Variants in NAV2 observed in about 807,000 individuals in gnomAD.
The protein encoded by NAV2 is neuron navigator 2.
NAV2 carries 54 observed loss-of-function variants against 223.2 expected under a neutral mutation model. The observed-to-expected ratio is 0.24, with a 90% confidence interval of 0.19 to 0.30. The LOEUF (loss-of-function observed/expected upper bound fraction) is 0.30, where lower values mean the gene tolerates loss of function less well. Among genes scored for constraint, NAV2 ranks in the 10% least tolerant of loss-of-function variants. NAV2 has a pLI of 1.00. For synonymous variants in NAV2, 1,279 were observed against 1,239.3 expected (o/e 1.03, Z -0.67); for missense variants, 2,806 against 3,147.5 (o/e 0.89, Z 2.60).
In NAV2 at chr11:19,414,092, G is replaced by C. The variant is rs529019926; in HGVS notation, c.75+63065G>C. Among the ~76,000 whole-genome samples, 11 of 152,208 alleles carry C rather than the reference G, an allele frequency of 7.2e-5. No homozygotes were observed. In the South Asian group the frequency reaches 1.2e-3, roughly 17 times the overall value. ...CAAGATTAACCTTAAATGTAAATGG[G>C]CTAAATGCCCCATTTAAAAGACACA... is the stretch of plus-strand genomic sequence containing the variant. On this transcript the variant is annotated intron_variant, in intron 1 of 37. Coordinates refer to the NAV2 transcript ENST00000360655.
At position 19,930,869 on chromosome 11, in the gene NAV2, A is replaced by C. The variant is rs961708957; in HGVS notation, c.932-2307A>C. Among the ~76,000 whole-genome samples the C allele has an allele frequency of 9.8e-5, 15 of 152,324 alleles. No homozygotes were observed. In the South Asian group the frequency reaches 3.1e-3, roughly 32 times the overall value. ...TGTGATGTAGGCTGCTGTATTTCAA[A>C]TGGCAGGGTTGGTTTGTACTCCACC... is the stretch of plus-strand genomic sequence containing the variant. On this transcript the variant is annotated intron_variant, in intron 6 of 37. Coordinates refer to ENST00000349880, the MANE Select transcript of NAV2 (RefSeq NM_145117.5).
At chr11:19,517,046 C>CAA (rs67200613) in intron 1 of NAV2, among the ~76,000 whole-genome samples, 43 of 140,688 alleles carry the variant, frequency 3.1e-4, no homozygotes, top group South Asian at 9.0e-4. Context: ...CCTCTCTCTC[C>CAA]AAAAAAAAAA....
At chr11:19,997,956 C>T (rs557184197) in intron 11 of NAV2, among the ~76,000 whole-genome samples, 1 of 152,188 alleles carries the variant, frequency 6.6e-6, no homozygotes, top group South Asian at 2.1e-4. Flanking sequence ...TCTCCATAAC[C>T]ATGTTTTGTT....
chr11:20,035,862 G>A, intron 11 of NAV2, 97 bp from the exon 12 acceptor site: 1 of 1,431,366 alleles, frequency 7.0e-7, no homozygotes, highest in Admixed American at 1.9e-5. Context: ...GGCACAGATT[G>A]GATCTTTTCG....
At position 19,895,940 on chromosome 11, in the gene NAV2, T is replaced by C. The variant is rs142984448; in HGVS notation, c.931+3346T>C. Among the ~76,000 whole-genome samples, 348 of 152,194 alleles carry C rather than the reference T, an allele frequency of 2.3e-3. 2 individuals are homozygous for C. Among genetic ancestry groups the C allele is most frequent in the African/African-American group, 8.0e-3 (333 of 41,520 alleles). ...ATGAGGTCACCTCTTGTCCTTCACCTTGAGTTCTGTCTCGGGGAGGGACGC... is the reference window on the plus strand; with the variant it reads ...ATGAGGTCACCTCTTGTCCTTCACCCTGAGTTCTGTCTCGGGGAGGGACGC... On this transcript the variant is annotated intron_variant, in intron 6 of 37. Coordinates refer to ENST00000349880, the MANE Select transcript of NAV2 (RefSeq NM_145117.5).
intron 1 of NAV2, among the ~76,000 whole-genome samples, chr11:19,831,137 G>A (rs61879371): frequency 1.3e-5 from 2 of 148,884 alleles, no homozygotes; most frequent in African/African-American, 5.0e-5. Context: ...TGGTCCCCAG[G>A]TGGAGTAGCC....
intron 1 of NAV2, among the ~76,000 whole-genome samples, chr11:19,531,510 T>C (rs2044027266): frequency 6.6e-6 from 1 of 152,188 alleles, no homozygotes; most frequent in Non-Finnish European, 1.5e-5. Flanking sequence ...TATTTTTAAG[T>C]GAGCCAGCAA....
intron 1 of NAV2, among the ~76,000 whole-genome samples, chr11:19,616,288 C>T (rs2046787031): frequency 6.9e-6 from 1 of 144,032 alleles, no homozygotes; most frequent in Non-Finnish European, 1.5e-5. Flanking sequence ...TCAGAGATAA[C>T]CATTTTTGCT....
At chr11:19,926,491 A>G (rs559379166) in intron 6 of NAV2, among the ~76,000 whole-genome samples, 5 of 152,292 alleles carry the variant, frequency 3.3e-5, no homozygotes, top group Non-Finnish European at 7.4e-5. Flanking sequence ...TCCTCCAGCC[A>G]GGCTCCAAGA....
chr11:19,349,251 C>T (rs1853160069), upstream of NAV2, among the ~76,000 whole-genome samples: 1 of 152,200 alleles, frequency 6.6e-6, no homozygotes, highest in African/African-American at 2.4e-5. Flanking sequence ...TGGGACAAGC[C>T]TTCAATTAAG....
At chr11:19,600,990 C>G (rs1483839041) in intron 1 of NAV2, among the ~76,000 whole-genome samples, 1 of 152,184 alleles carries the variant, frequency 6.6e-6, no homozygotes, top group Non-Finnish European at 1.5e-5. Context: ...TCCACAGAAG[C>G]TTTGTTTATA....
chr11:19,429,080 G>T (rs11025134), intron 1 of NAV2, among the ~76,000 whole-genome samples: 30,869 of 152,124 alleles, frequency 0.2, 3,506 homozygotes, highest in East Asian at 0.33. Flanking sequence ...GATTGCACAA[G>T]CTGATTAAGC....
At chr11:19,394,160 A>G (rs1367139810) in intron 1 of NAV2, among the ~76,000 whole-genome samples, 3 of 152,112 alleles carry the variant, frequency 2.0e-5, no homozygotes, top group Non-Finnish European at 4.4e-5. Context: ...ATAGCCAGGA[A>G]AGTCACTGAG....
chr11:20,008,009 G>A (rs1486193182), intron 11 of NAV2, among the ~76,000 whole-genome samples: 1 of 152,210 alleles, frequency 6.6e-6, no homozygotes, highest in African/African-American at 2.4e-5. Flanking sequence ...CATTGAGAGA[G>A]CCTTGTTTTA....
chr11:20,074,845 A>G (rs2059626865), intron 22 of NAV2, among the ~76,000 whole-genome samples: 2 of 142,876 alleles, frequency 1.4e-5, no homozygotes, highest in South Asian at 4.5e-4. Flanking sequence ...TTTGCACGTG[A>G]GATGGGTCTC....
chr11:20,037,549 GGGT>G (rs779292974), intron 12 of NAV2, among the ~76,000 whole-genome samples: 56 of 152,294 alleles, frequency 3.7e-4, no homozygotes, highest in Non-Finnish European at 1.3e-4. Flanking sequence ...TAGTGACAGT[GGGT>G]GGTGGTAGTT....
At chr11:19,979,838 T>C (rs545489853) in intron 10 of NAV2, among the ~76,000 whole-genome samples, 1 of 152,318 alleles carries the variant, frequency 6.6e-6, no homozygotes, top group South Asian at 2.1e-4. Flanking sequence ...TAGAAGAAAT[T>C]GCGCTGAAAT....
intron 1 of NAV2, among the ~76,000 whole-genome samples, chr11:19,660,370 A>G (rs1228568234): frequency 6.6e-6 from 1 of 152,138 alleles, no homozygotes; most frequent in Admixed American, 6.5e-5. Context: ...ATGAGTCATC[A>G]CTGTCACTCA....
intron 31 of NAV2, among the ~76,000 whole-genome samples, chr11:20,100,601 T>C (rs1161290677): frequency 1.4e-5 from 2 of 147,898 alleles, no homozygotes; most frequent in East Asian, 4.1e-4. Flanking sequence ...GTAGTAAGTA[T>C]AGTAAATCCA....
Sources: gnomAD v4.1 joint callset for allele counts (sites outside exome capture counted in the v4.1 genomes callset) on GRCh38, gnomAD v4.1.1 for gene constraint, MANE v1.5 for transcripts, NCBI Gene and HGNC (gene_info 2026-07-23, HGNC 2026-07-21) for gene names.